The following NDST3 variants were observed in gnomAD, a reference collection of about 807,000 sequenced individuals.
NDST3 encodes bifunctional heparan sulfate N-deacetylase/N-sulfotransferase 3.
NDST3 carries 58 observed loss-of-function variants against 96.1 expected under a neutral mutation model. That is an observed-to-expected ratio of 0.60 (90% CI 0.49 to 0.75). The LOEUF (loss-of-function observed/expected upper bound fraction) is 0.75. NDST3 is among the 30% of genes least tolerant of loss of function. The pLI is 0.00. For synonymous variants in NDST3, 333 were observed against 359.7 expected (o/e 0.93, Z 0.84); for missense variants, 788 against 1,034.2 (o/e 0.76, Z 3.27).
intron 4 of NDST3, among the ~76,000 whole-genome samples, chr4:118,120,141 A>G (rs1285286677): frequency 6.6e-6 from 1 of 152,200 alleles, no homozygotes; most frequent in Non-Finnish European, 1.5e-5. Context: ...CGTTTCTTCT[A>G]GCTCTTAAGA....
At chr4:118,089,478 C>A (rs534421310) in intron 2 of NDST3, among the ~76,000 whole-genome samples, 4 of 151,876 alleles carry the variant, frequency 2.6e-5, no homozygotes, top group Admixed American at 2.0e-4. Flanking sequence ...TAGGTAAAAT[C>A]GTGGCATCTT....
At position 118,053,766 on chromosome 4, in the gene NDST3, C is replaced by T; in HGVS notation, c.-145C>T. 2 of 809,066 alleles carry T rather than the reference C, an allele frequency of 2.5e-6. No homozygotes were observed. Among genetic ancestry groups the T allele is most frequent in the Non-Finnish European group, 3.7e-6 (2 of 534,516 alleles). The allele number at this position is 809,066 out of a possible 1,614,324, so 50.1% of individuals were successfully genotyped here. ...TTTTCTATTTTTCAGACTGTATTTT[C>T]TGTGAGTCCTGATCAAGTGATACAA... On this transcript the variant is annotated 5_prime_UTR_variant, in exon 2 of 14. Transcript: ENST00000296499.
At chr4:118,090,931 A>G (rs1365062571) in intron 2 of NDST3, among the ~76,000 whole-genome samples, 7 of 151,912 alleles carry the variant, frequency 4.6e-5, no homozygotes, top group Admixed American at 4.6e-4. Context: ...TTTACAAATT[A>G]AACAAAAAAC....
intron 6 of NDST3, among the ~76,000 whole-genome samples, chr4:118,185,339 G>A (rs1008673111): frequency 6.6e-6 from 1 of 151,650 alleles, no homozygotes; most frequent in African/African-American, 2.4e-5. Flanking sequence ...ACCAAATTTA[G>A]TTCACTTTAA....
intron 6 of NDST3, among the ~76,000 whole-genome samples, chr4:118,151,000 A>C (rs1031978216): frequency 6.6e-6 from 1 of 151,758 alleles, no homozygotes; most frequent in African/African-American, 2.4e-5. Context: ...ATGTCCAACA[A>C]TGATAGACTG....
chr4:118,050,998 G>T (rs998063916), intron 1 of NDST3, among the ~76,000 whole-genome samples: 1 of 152,136 alleles, frequency 6.6e-6, no homozygotes, highest in Non-Finnish European at 1.5e-5. Context: ...AACCCAAACA[G>T]CATGGTACTG....
chr4:118,196,108 G>A (rs1054913359), intron 6 of NDST3, among the ~76,000 whole-genome samples: 6 of 152,108 alleles, frequency 3.9e-5, no homozygotes, highest in African/African-American at 1.2e-4. Context: ...ATGATCATAC[G>A]GATTTGTCCA....
chr4:118,239,232 C>T (rs1222033338), intron 10 of NDST3, among the ~76,000 whole-genome samples: 1 of 152,166 alleles, frequency 6.6e-6, no homozygotes, highest in African/African-American at 2.4e-5. Flanking sequence ...TTGCTCATTA[C>T]TGAGTCCTTT....
intron 4 of NDST3, 149 bp from the exon 5 acceptor site, chr4:118,137,905 G>A: frequency 1.5e-6 from 1 of 647,238 alleles, no homozygotes; most frequent in Non-Finnish European, 2.4e-6. Context: ...GTCTAGAGGT[G>A]TTAATACTTA....
intron 6 of NDST3, among the ~76,000 whole-genome samples, chr4:118,157,133 A>C (rs1734762508): frequency 6.6e-6 from 1 of 152,164 alleles, no homozygotes; most frequent in South Asian, 2.1e-4. Context: ...TATACAAATA[A>C]AATTAAGAAG....
chr4:118,245,621 A>G (rs72919215), intron 12 of NDST3, among the ~76,000 whole-genome samples: 2,357 of 152,330 alleles, frequency 0.015, 61 homozygotes, highest in African/African-American at 0.054. Flanking sequence ...TTAGCAAATT[A>G]TAGTAGCCAC....
chr4:118,254,036 T>C (rs1741945497), intron 13 of NDST3, among the ~76,000 whole-genome samples: 2 of 151,898 alleles, frequency 1.3e-5, no homozygotes, highest in Non-Finnish European at 2.9e-5. Flanking sequence ...AGGTCAGGAG[T>C]TCGAGACCAG....
chr4:118,161,577 T>C (rs10023964), intron 6 of NDST3, among the ~76,000 whole-genome samples: 11,057 of 152,216 alleles, frequency 0.073, 915 homozygotes, highest in African/African-American at 0.2. Flanking sequence ...TGGGCGATGG[T>C]GGGCGCCTAT....
At chr4:118,128,642 GTTT>G (rs1431428711) in intron 4 of NDST3, among the ~76,000 whole-genome samples, 1 of 151,918 alleles carries the variant, frequency 6.6e-6, no homozygotes, top group Non-Finnish European at 1.5e-5. Flanking sequence ...TTGGCCTGTA[GTTT>G]TCTTTTTTTG....
At chr4:118,074,165 A>T (rs1455476869) in intron 2 of NDST3, among the ~76,000 whole-genome samples, 2 of 152,010 alleles carry the variant, frequency 1.3e-5, no homozygotes, top group East Asian at 1.9e-4. Context: ...CAGTTTTTTT[A>T]AATCTGCTGA....
intron 5 of NDST3, among the ~76,000 whole-genome samples, chr4:118,138,566 C>T (rs1366677573): frequency 6.6e-6 from 1 of 152,074 alleles, no homozygotes; most frequent in African/African-American, 2.4e-5. Flanking sequence ...GTATGAAAAA[C>T]TAACACCAAC....
At chr4:118,036,139 A>G (rs1724136014) in intron 1 of NDST3, among the ~76,000 whole-genome samples, 1 of 152,056 alleles carries the variant, frequency 6.6e-6, no homozygotes, top group African/African-American at 2.4e-5. Context: ...TAAAATGTAA[A>G]TATGTAATTG....
intron 6 of NDST3, among the ~76,000 whole-genome samples, chr4:118,210,607 C>G (rs957186624): frequency 2.6e-5 from 4 of 151,978 alleles, no homozygotes; most frequent in Non-Finnish European, 4.4e-5. Context: ...GAAACCCCGT[C>G]TCTACTAAAA....
intron 6 of NDST3, among the ~76,000 whole-genome samples, chr4:118,178,502 T>G (rs946993248): frequency 6.6e-5 from 10 of 152,082 alleles, no homozygotes; most frequent in Non-Finnish European, 1.3e-4. Flanking sequence ...TTATCGCATG[T>G]GTCAGAATTT....
Sources: allele counts gnomAD v4.1 joint callset (sites outside exome capture counted in the v4.1 genomes callset), GRCh38; gene constraint gnomAD v4.1.1; transcripts MANE v1.5; gene names NCBI Gene and HGNC (gene_info 2026-07-23, HGNC 2026-07-21).